MECOM: variants seen among roughly 807,000 people sequenced by gnomAD.
MECOM encodes MDS1 and EVI1 complex locus.
In MECOM, 13 loss-of-function variants were observed where a neutral mutation model predicts 116.3. The observed-to-expected ratio is 0.11, with a 90% CI of 0.07 to 0.18. The LOEUF (loss-of-function observed/expected upper bound fraction) is 0.18. MECOM is among the 10% of genes least tolerant of loss of function. The pLI is 1.00. For synonymous variants in MECOM, 528 were observed against 535.2 expected (o/e 0.99, Z 0.19); for missense variants, 1,299 against 1,509.0 (o/e 0.86, Z 2.31).
At chr3:169,654,204 G>C (rs967224811) in intron 1 of MECOM, among the ~76,000 whole-genome samples, 2 of 152,130 alleles carry the variant, frequency 1.3e-5, no homozygotes, top group African/African-American at 4.8e-5. Context: ...CCATTGTGTT[G>C]ACATTCCATC....
intron 9 of MECOM, 84 bp from the exon 10 acceptor site, chr3:169,108,036 T>C: frequency 2.6e-6 from 3 of 1,135,978 alleles, no homozygotes; most frequent in South Asian, 2.8e-5. Flanking sequence ...AAATTAACAT[T>C]TGTACTAACT....
At chr3:169,633,572 A>T (rs1300074776) in intron 1 of MECOM, among the ~76,000 whole-genome samples, 1 of 152,184 alleles carries the variant, frequency 6.6e-6, no homozygotes, top group East Asian at 1.9e-4. Context: ...CCAAGGATCT[A>T]GCACTGCCTG....
At chr3:169,208,956 C>T (rs996602157) in intron 2 of MECOM, among the ~76,000 whole-genome samples, 1 of 149,160 alleles carries the variant, frequency 6.7e-6, no homozygotes, top group African/African-American at 2.5e-5. Context: ...TACTACAAGG[C>T]CACAATAACT....
At chr3:169,358,513 C>T (rs971753189) in intron 2 of MECOM, among the ~76,000 whole-genome samples, 3 of 150,024 alleles carry the variant, frequency 2.0e-5, no homozygotes, top group African/African-American at 5.0e-5. Context: ...GAACTGTATG[C>T]CTTCTTTAGA....
intron 2 of MECOM, among the ~76,000 whole-genome samples, chr3:169,322,926 G>A (rs977432309): frequency 6.7e-6 from 1 of 149,372 alleles, no homozygotes. Flanking sequence ...TGAACCCGGG[G>A]GGGGCAGAGT....
intron 1 of MECOM, among the ~76,000 whole-genome samples, chr3:169,489,933 C>T (rs1013316176): frequency 2.6e-5 from 4 of 152,042 alleles, no homozygotes; most frequent in African/African-American, 7.2e-5. Flanking sequence ...AAGCAAAGTT[C>T]GCCATTAACA....
intron 1 of MECOM, among the ~76,000 whole-genome samples, chr3:169,450,541 C>T (rs780734901): frequency 6.6e-6 from 1 of 151,392 alleles, no homozygotes; most frequent in Non-Finnish European, 1.5e-5. Flanking sequence ...ACCTTTTCCA[C>T]TCCCTCTAGA....
intron 2 of MECOM, among the ~76,000 whole-genome samples, chr3:169,170,572 TA>T (rs1473869154): frequency 2.0e-5 from 3 of 152,258 alleles, no homozygotes; most frequent in South Asian, 4.1e-4. Context: ...ACTTGGCCAA[TA>T]TTTTTTTTCC....
At chr3:169,628,942 A>T (rs940770871) in intron 1 of MECOM, among the ~76,000 whole-genome samples, 11 of 152,192 alleles carry the variant, frequency 7.2e-5, no homozygotes, top group African/African-American at 1.9e-4. Context: ...TTTAGGATAA[A>T]CATCCTACAC....
chr3:169,584,381 C>T (rs540870645), intron 1 of MECOM, among the ~76,000 whole-genome samples: 224 of 151,062 alleles, frequency 1.5e-3, no homozygotes, highest in East Asian at 9.0e-3. Flanking sequence ...TTGGCTAACA[C>T]GGTGAAACCC....
At chr3:169,400,886 A>G (rs1269916554) in intron 1 of MECOM, among the ~76,000 whole-genome samples, 1 of 152,200 alleles carries the variant, frequency 6.6e-6, no homozygotes, top group East Asian at 1.9e-4. Context: ...AAGAGAAGCA[A>G]ACAAGGCTCA....
At chr3:169,462,241 C>T (rs1184276825) in intron 1 of MECOM, among the ~76,000 whole-genome samples, 1 of 152,130 alleles carries the variant, frequency 6.6e-6, no homozygotes, top group Non-Finnish European at 1.5e-5. Flanking sequence ...AAGGTAACAG[C>T]TCAACATGCC....
At chr3:169,645,024 G>A (rs536054603) in intron 1 of MECOM, among the ~76,000 whole-genome samples, 12 of 152,182 alleles carry the variant, frequency 7.9e-5, no homozygotes, top group East Asian at 3.9e-4. Flanking sequence ...TTCTGTGTCC[G>A]TCCCACTGAT....
chr3:169,125,157 C>G (rs891272350), intron 5 of MECOM, among the ~76,000 whole-genome samples: 1 of 152,076 alleles, frequency 6.6e-6, no homozygotes, highest in African/African-American at 2.4e-5. Flanking sequence ...ACAAAAGGTA[C>G]TAGGAGAGTA....
chr3:169,472,862 G>T (rs1010276451), intron 1 of MECOM: 16 of 461,174 alleles, frequency 3.5e-5, no homozygotes, highest in African/African-American at 3.2e-4. Context: ...TCAAAGACAA[G>T]GTCTTAATGA....
intron 1 of MECOM, among the ~76,000 whole-genome samples, chr3:169,476,467 T>A (rs1750394114): frequency 6.6e-6 from 1 of 152,224 alleles, no homozygotes; most frequent in African/African-American, 2.4e-5. Context: ...TAGATCCCTG[T>A]CTGCCCGGTG....
At chr3:169,175,659 A>G (rs776894963) in intron 2 of MECOM, among the ~76,000 whole-genome samples, 9 of 152,188 alleles carry the variant, frequency 5.9e-5, no homozygotes, top group Non-Finnish European at 1.3e-4. Context: ...GCAGAATCTG[A>G]TTTAAGTGGA....
intron 2 of MECOM, among the ~76,000 whole-genome samples, chr3:169,253,861 C>T (rs959013903): frequency 6.6e-4 from 101 of 152,220 alleles, no homozygotes; most frequent in African/African-American, 2.3e-3. Flanking sequence ...ACATTTAACA[C>T]ATCTAGGCTT....
chr3:169,601,493 G>A (rs898264508), intron 1 of MECOM, among the ~76,000 whole-genome samples: 3 of 152,122 alleles, frequency 2.0e-5, no homozygotes, highest in Non-Finnish European at 2.9e-5. Flanking sequence ...AATGTTGGAT[G>A]GTACAGCACC....
Sources: allele counts gnomAD v4.1 joint callset (sites outside exome capture counted in the v4.1 genomes callset), GRCh38; gene constraint gnomAD v4.1.1; transcripts MANE v1.5; gene names NCBI Gene and HGNC (gene_info 2026-07-23, HGNC 2026-07-21).